Variants in WWOX observed in about 807,000 individuals in gnomAD.
WWOX encodes WW domain-containing oxidoreductase.
WWOX carries 69 observed loss-of-function variants against 46.2 expected under a neutral mutation model. The observed-to-expected ratio is 1.49, with a 90% CI of 1.23 to 1.82. The LOEUF (loss-of-function observed/expected upper bound fraction) is 1.82, where lower values mean the gene tolerates loss of function less well. Among genes scored for constraint, WWOX ranks in the 40% most tolerant of loss-of-function variants. The pLI, the probability that WWOX is intolerant of heterozygous loss-of-function variation, is 0.00. For synonymous variants in WWOX, 359 were observed against 202.6 expected (o/e 1.77, Z -6.56); for missense variants, 919 against 542.6 (o/e 1.69, Z -6.89).
chr16:78,768,158 G>A (rs532222941), intron 8 of WWOX, among the ~76,000 whole-genome samples: 2 of 43,034 alleles, frequency 4.6e-5, no homozygotes, highest in African/African-American at 7.1e-5. Flanking sequence ...GCTGCGGGGC[G>A]GGGGGGTCGG....
At chr16:79,209,670 C>G (rs934889746) in intron 8 of WWOX, among the ~76,000 whole-genome samples, 1 of 152,172 alleles carries the variant, frequency 6.6e-6, no homozygotes, top group Non-Finnish European at 1.5e-5. Context: ...ACCATCTCCA[C>G]CAGAACTCTA....
chr16:79,097,820 C>T (rs888721736), intron 8 of WWOX, among the ~76,000 whole-genome samples: 2 of 152,114 alleles, frequency 1.3e-5, no homozygotes, highest in African/African-American at 2.4e-5. Flanking sequence ...GCCTTTTGCC[C>T]GTCGATCGCA....
intron 5 of WWOX, among the ~76,000 whole-genome samples, chr16:78,365,753 T>C (rs2081522349): frequency 6.6e-6 from 1 of 152,184 alleles, no homozygotes; most frequent in African/African-American, 2.4e-5. Context: ...TTTTGTTCTT[T>C]TGTTTTTTGT....
chr16:79,085,201 C>G (rs1368563273), intron 8 of WWOX, among the ~76,000 whole-genome samples: 4 of 152,208 alleles, frequency 2.6e-5, no homozygotes, highest in African/African-American at 4.8e-5. Flanking sequence ...GTCTCTCTCT[C>G]TCTTTCTCTC....
At chr16:78,833,202 T>G (rs2051880094) in intron 8 of WWOX, among the ~76,000 whole-genome samples, 1 of 152,058 alleles carries the variant, frequency 6.6e-6, no homozygotes, top group African/African-American at 2.4e-5. Context: ...CTCCTGTGCT[T>G]GGTTAATTTT....
intron 8 of WWOX, among the ~76,000 whole-genome samples, chr16:78,922,551 G>T (rs745375527): frequency 1.3e-5 from 2 of 151,978 alleles, no homozygotes; most frequent in Non-Finnish European, 2.9e-5. Context: ...GCTAATTTTT[G>T]TATTTTTAGT....
chr16:78,673,828 C>T (rs1193781351), intron 8 of WWOX, among the ~76,000 whole-genome samples: 7 of 152,092 alleles, frequency 4.6e-5, no homozygotes, highest in Non-Finnish European at 1.0e-4. Flanking sequence ...AGATTTCTAT[C>T]GTATCCTCCC....
chr16:79,023,153 A>G (rs1204647509), intron 8 of WWOX, among the ~76,000 whole-genome samples: 1 of 152,200 alleles, frequency 6.6e-6, no homozygotes, highest in Non-Finnish European at 1.5e-5. Flanking sequence ...CTCTGTCATT[A>G]GATATATGCA....
At chr16:78,955,527 G>A (rs17635867) in intron 8 of WWOX, among the ~76,000 whole-genome samples, 3 of 152,154 alleles carry the variant, frequency 2.0e-5, no homozygotes, top group Admixed American at 2.0e-4. Context: ...ACACCAGGCT[G>A]CAGGGATAAT....
At chr16:78,573,356 T>C in intron 8 of WWOX, among the ~76,000 whole-genome samples, 1 of 152,204 alleles carries the variant, frequency 6.6e-6, no homozygotes, top group East Asian at 1.9e-4. Flanking sequence ...AAAATAGGTA[T>C]CAGATACTTG....
intron 1 of WWOX, among the ~76,000 whole-genome samples, chr16:78,101,710 G>C (rs369681367): frequency 2.0e-5 from 3 of 152,144 alleles, no homozygotes; most frequent in Admixed American, 2.0e-4. Flanking sequence ...TCTATGCAAG[G>C]ATGTGAACCA....
At chr16:78,319,103 A>G (rs914456873) in intron 5 of WWOX, among the ~76,000 whole-genome samples, 6 of 152,104 alleles carry the variant, frequency 3.9e-5, no homozygotes, top group African/African-American at 1.2e-4. Context: ...AGAGAGTCGG[A>G]TGAGTCAGGC....
At chr16:78,417,530 T>C (rs2082826639) in intron 6 of WWOX, among the ~76,000 whole-genome samples, 1 of 152,160 alleles carries the variant, frequency 6.6e-6, no homozygotes, top group African/African-American at 2.4e-5. Context: ...AAAAAAAGTA[T>C]TAATAGCCCT....
chr16:79,012,674 G>T (rs1274578015), intron 8 of WWOX, among the ~76,000 whole-genome samples: 1 of 152,180 alleles, frequency 6.6e-6, no homozygotes, highest in Non-Finnish European at 1.5e-5. Flanking sequence ...AAATATCCAG[G>T]CAGAATGAAT....
At chr16:78,633,800 T>C (rs1423767249) in intron 8 of WWOX, among the ~76,000 whole-genome samples, 1 of 152,180 alleles carries the variant, frequency 6.6e-6, no homozygotes, top group Non-Finnish European at 1.5e-5. Context: ...CAACCCGGGC[T>C]GTGTTCCCGA....
At position 79,040,309 on chromosome 16, in the gene WWOX, C is replaced by G. The variant is rs1477066895; in HGVS notation, c.1057-171299C>G. The stretch of plus-strand genomic sequence containing the variant: ...TTTTTTTTTGAGACAAGGTCTCATT[C>G]TGTTGCCCAGACTGGAGTGCGGTGG... On this transcript the variant is annotated intron_variant, in intron 8 of 8. Coordinates refer to ENST00000566780, the MANE Select transcript of WWOX (RefSeq NM_016373.4). 2.0e-4 allele frequency among the ~76,000 whole-genome samples: 26 copies of G among 132,810 alleles called. No individual in the cohort carries two copies. In the Admixed American group the frequency reaches 2.0e-3, roughly 10 times the overall value. The allele number at this position is 132,810 out of a possible 152,430, so 87.1% of individuals were successfully genotyped here.
intron 8 of WWOX, among the ~76,000 whole-genome samples, chr16:79,036,212 C>G (rs775340346): frequency 1.3e-5 from 2 of 152,180 alleles, no homozygotes; most frequent in East Asian, 3.9e-4. Flanking sequence ...AACAGTATAC[C>G]CACTACAGCT....
At chr16:78,304,877 T>C (rs555009582) in intron 5 of WWOX, among the ~76,000 whole-genome samples, 2 of 152,308 alleles carry the variant, frequency 1.3e-5, no homozygotes, top group South Asian at 2.1e-4. Flanking sequence ...TTCGCTAGCA[T>C]TGGGAAAATC....
intron 8 of WWOX, among the ~76,000 whole-genome samples, chr16:78,841,271 A>G (rs1400194505): frequency 1.3e-5 from 2 of 152,200 alleles, no homozygotes; most frequent in Non-Finnish European, 2.9e-5. Context: ...AACATCATGC[A>G]GCACTGCTCA....
Sources: gnomAD v4.1 joint callset for allele counts (sites outside exome capture counted in the v4.1 genomes callset) on GRCh38, gnomAD v4.1.1 for gene constraint, MANE v1.5 for transcripts, NCBI Gene and HGNC (gene_info 2026-07-23, HGNC 2026-07-21) for gene names.